PIBF1: variants seen among roughly 807,000 people sequenced by gnomAD.
The protein encoded by PIBF1 is progesterone-induced-blocking factor 1.
A neutral mutation model predicts 112.5 loss-of-function variants in PIBF1; 90 were observed. The ratio of observed to expected loss-of-function variants is 0.80; its 90% CI spans 0.67 to 0.95. The LOEUF (loss-of-function observed/expected upper bound fraction) is 0.95, where lower values mean the gene tolerates loss of function less well. Among genes scored for constraint, PIBF1 ranks in the 40% least tolerant of loss-of-function variants. The probability of loss-of-function intolerance (pLI) is 0.00; values close to 1 mark genes in which losing one functional copy is unlikely to be tolerated. For missense variants in PIBF1, 915 were observed against 852.3 expected (o/e 1.07, Z -0.92); for synonymous variants, 301 against 288.6 (o/e 1.04, Z -0.44).
intron 2 of PIBF1, among the ~76,000 whole-genome samples, chr13:72,791,952 G>A (rs1467183128): frequency 6.6e-6 from 1 of 151,228 alleles, no homozygotes; most frequent in Non-Finnish European, 1.5e-5. Context: ...ATTTTTGATA[G>A]CATTTTTTAA....
At chr13:72,975,658 G>T (rs527923291) in intron 16 of PIBF1, among the ~76,000 whole-genome samples, 29 of 152,122 alleles carry the variant, frequency 1.9e-4, no homozygotes, top group Non-Finnish European at 3.7e-4. Context: ...ATTTAGGAAG[G>T]TAAGTCAATC....
At chr13:72,805,296 C>T (rs533321493) in intron 5 of PIBF1, among the ~76,000 whole-genome samples, 4 of 152,300 alleles carry the variant, frequency 2.6e-5, no homozygotes, top group South Asian at 2.1e-4. Flanking sequence ...GCACACGCCA[C>T]GACGCCTGGC....
intron 11 of PIBF1, among the ~76,000 whole-genome samples, chr13:72,906,077 T>TG (rs141002811): frequency 0.017 from 2,542 of 152,086 alleles, 75 homozygotes; most frequent in African/African-American, 0.057. Context: ...AATCTTTTGG[T>TG]GGGGGGGATT....
chr13:72,992,877 A>C (rs1227541344), intron 16 of PIBF1, among the ~76,000 whole-genome samples: 1 of 152,178 alleles, frequency 6.6e-6, no homozygotes, highest in African/African-American at 2.4e-5. Flanking sequence ...ATGGGATCAC[A>C]CAACCAAAAA....
intron 16 of PIBF1, among the ~76,000 whole-genome samples, chr13:72,978,728 G>A (rs1030788435): frequency 1.3e-5 from 2 of 151,890 alleles, no homozygotes; most frequent in African/African-American, 4.8e-5. Flanking sequence ...ACTCTAAAAT[G>A]TCTTCACTTG....
At chr13:73,002,983 CAAAAAAAAAAAA>C (rs1161228077) in intron 17 of PIBF1, among the ~76,000 whole-genome samples, 1 of 57,520 alleles carries the variant, frequency 1.7e-5, no homozygotes, top group African/African-American at 7.5e-5. Flanking sequence ...ACTCTGGTCT[CAAAAAAAAAAAA>C]AAAAAAAAAA....
chr13:72,819,470 A>AT, intron 5 of PIBF1, among the ~76,000 whole-genome samples: 1 of 152,024 alleles, frequency 6.6e-6, no homozygotes, highest in African/African-American at 2.4e-5. Flanking sequence ...TAAAACCTTC[A>AT]TTGGCCCTGT....
rs560273442 is a variant in PIBF1 at position 72,857,322 on chromosome 13, A to G, written c.1322+3167A>G. Among the ~76,000 whole-genome samples the G allele has an allele frequency of 7.5e-4, 114 of 152,372 alleles. 1 individual carries two copies. The highest frequency in any genetic ancestry group is 1.4e-3 in the Non-Finnish European group (92 of 68,034). ...TAGGAGAATGTTTTTATAATCTTGA[A>G]TTACAAAAGGCCTTTGCAACTTAGG... On this transcript the variant is annotated intron_variant, in intron 10 of 17. Coordinates refer to ENST00000326291, the MANE Select transcript of PIBF1 (RefSeq NM_006346.4).
intron 10 of PIBF1, among the ~76,000 whole-genome samples, chr13:72,872,880 C>T (rs1023902583): frequency 6.6e-6 from 1 of 151,962 alleles, no homozygotes; most frequent in Non-Finnish European, 1.5e-5. Context: ...ATAAAATTAA[C>T]AAAATATGAA....
intron 15 of PIBF1, among the ~76,000 whole-genome samples, chr13:72,966,391 C>A (rs902218994): frequency 1.3e-5 from 2 of 151,930 alleles, no homozygotes; most frequent in Admixed American, 6.6e-5. Context: ...CACATTTATA[C>A]CTTAAATGTG....
chr13:72,996,496 A>G (rs1042629450), intron 16 of PIBF1, among the ~76,000 whole-genome samples: 1 of 152,226 alleles, frequency 6.6e-6, no homozygotes, highest in Non-Finnish European at 1.5e-5. Context: ...TAGTACCACT[A>G]CATGTGCTTA....
intron 1 of PIBF1, among the ~76,000 whole-genome samples, chr13:72,782,648 TAAAAC>T (rs1179870355): frequency 6.6e-6 from 1 of 152,216 alleles, no homozygotes; most frequent in Non-Finnish European, 1.5e-5. Flanking sequence ...CATGAGGTAT[TAAAAC>T]AAGGTAGTTG....
chr13:73,008,818 C>T (rs1175521321), intron 17 of PIBF1, among the ~76,000 whole-genome samples: 2 of 152,126 alleles, frequency 1.3e-5, no homozygotes, highest in African/African-American at 2.4e-5. Flanking sequence ...GGCATGACAT[C>T]GAACACCTAC....
At chr13:73,011,072 C>G (rs1260786284) in intron 17 of PIBF1, among the ~76,000 whole-genome samples, 1 of 151,952 alleles carries the variant, frequency 6.6e-6, no homozygotes, top group Non-Finnish European at 1.5e-5. Flanking sequence ...GTGATCCCCC[C>G]CACCTTGGCC....
At chr13:72,986,375 A>C (rs2043288050) in intron 16 of PIBF1, among the ~76,000 whole-genome samples, 1 of 152,182 alleles carries the variant, frequency 6.6e-6, no homozygotes. Flanking sequence ...AAAGGGTCTG[A>C]GCAAACCAAT....
chr13:72,882,340 A>G (rs1412655485), intron 10 of PIBF1, among the ~76,000 whole-genome samples: 1 of 152,206 alleles, frequency 6.6e-6, no homozygotes, highest in Non-Finnish European at 1.5e-5. Flanking sequence ...TAAAACTACT[A>G]AAACATTGGA....
At chr13:72,806,548 A>C (rs1203104615) in intron 5 of PIBF1, among the ~76,000 whole-genome samples, 1 of 151,560 alleles carries the variant, frequency 6.6e-6, no homozygotes, top group Non-Finnish European at 1.5e-5. Context: ...GATAGGCCCC[A>C]GTGTGTGATG....
intron 13 of PIBF1, among the ~76,000 whole-genome samples, chr13:72,923,740 G>T (rs1043290359): frequency 6.6e-6 from 1 of 152,172 alleles, no homozygotes; most frequent in Non-Finnish European, 1.5e-5. Flanking sequence ...TGAGGCAGGT[G>T]AATCACCTGA....
intron 10 of PIBF1, among the ~76,000 whole-genome samples, chr13:72,893,235 C>T (rs2040130699): frequency 6.6e-6 from 1 of 152,118 alleles, no homozygotes; most frequent in South Asian, 2.1e-4. Flanking sequence ...TGTTCCTTAT[C>T]TGAGTTGTAA....
Sources: allele counts gnomAD v4.1 joint callset (sites outside exome capture counted in the v4.1 genomes callset), GRCh38; gene constraint gnomAD v4.1.1; transcripts MANE v1.5; gene names NCBI Gene and HGNC (gene_info 2026-07-23, HGNC 2026-07-21).